The following ZEB1 variants were observed in gnomAD, a reference collection of about 807,000 sequenced individuals.
ZEB1 encodes zinc finger E-box-binding homeobox 1.
Under a neutral mutation model 84.9 loss-of-function variants are expected in ZEB1, and 21 were observed. The ratio of observed to expected loss-of-function variants is 0.25; its 90% confidence interval spans 0.18 to 0.36. The LOEUF (loss-of-function observed/expected upper bound fraction) is 0.36. Ranked by LOEUF, ZEB1 falls within the 10% of genes least tolerant of loss-of-function variation. The pLI is 1.00. For synonymous variants in ZEB1, 420 were observed against 471.1 expected (o/e 0.89, Z 1.41); for missense variants, 1,104 against 1,330.2 (o/e 0.83, Z 2.65).
chr10:31,384,268 G>A (rs976886204), intron 1 of ZEB1, among the ~76,000 whole-genome samples: 46 of 152,018 alleles, frequency 3.0e-4, no homozygotes, highest in African/African-American at 9.7e-4. Context: ...GAGCCACTGC[G>A]CATGACCTAC....
At chr10:31,365,396 C>T (rs1182893722) in intron 1 of ZEB1, among the ~76,000 whole-genome samples, 2 of 152,082 alleles carry the variant, frequency 1.3e-5, no homozygotes, top group Non-Finnish European at 2.9e-5. Context: ...TTTGGCCACT[C>T]TACATCTTGT....
chr10:31,353,457 A>G (rs1021310746), intron 1 of ZEB1, among the ~76,000 whole-genome samples: 2 of 152,224 alleles, frequency 1.3e-5, no homozygotes, highest in African/African-American at 4.8e-5. Context: ...TGAGCTACTA[A>G]TTGGTAGAAA....
At chr10:31,370,859 G>A (rs1030625312) in intron 1 of ZEB1, among the ~76,000 whole-genome samples, 1 of 152,122 alleles carries the variant, frequency 6.6e-6, no homozygotes, top group African/African-American at 2.4e-5. Context: ...GTAAAATTGT[G>A]TGTGGTGTTA....
intron 1 of ZEB1, among the ~76,000 whole-genome samples, chr10:31,343,780 A>G (rs1227523735): frequency 1.3e-5 from 2 of 152,094 alleles, no homozygotes; most frequent in Non-Finnish European, 2.9e-5. Context: ...ATGAAATACT[A>G]CTAAGTGACC....
At chr10:31,522,003 G>T (rs1334408192) in intron 7 of ZEB1, 67 bp downstream of exon 7, 18 of 1,606,268 alleles carry the variant, frequency 1.1e-5, no homozygotes, top group Non-Finnish European at 1.5e-5. Flanking sequence ...AATTAACTTT[G>T]TCTAATAAAT....
chr10:31,469,911 C>T (rs973490304), intron 2 of ZEB1, among the ~76,000 whole-genome samples: 6 of 152,182 alleles, frequency 3.9e-5, no homozygotes, highest in African/African-American at 4.8e-5. Context: ...GACCCCTAAC[C>T]CCCGAGCAGC....
rs936435966 is a variant in ZEB1, at chr10:31,397,724, G to A, written c.59-63313G>A. 2.0e-5 allele frequency among the ~76,000 whole-genome samples: 3 copies of A among 152,116 alleles called. No homozygotes were observed. The East Asian group carries it at 5.8e-4, about 29-fold the overall frequency. On this transcript the variant is annotated intron_variant, in intron 1 of 8. Transcript: ENST00000424869. ...TTTTAAAATTGTTAAATTTAAAAAAGGATTGTAAGGGATTAGGATTTTAAA... is the reference window on the plus strand; with the variant it reads ...TTTTAAAATTGTTAAATTTAAAAAAAGATTGTAAGGGATTAGGATTTTAAA...
intron 1 of ZEB1, among the ~76,000 whole-genome samples, chr10:31,383,819 A>G (rs2048128252): frequency 6.6e-6 from 1 of 152,142 alleles, no homozygotes; most frequent in Non-Finnish European, 1.5e-5. Context: ...AAGAACTGGT[A>G]AAAGGAATAT....
intron 2 of ZEB1, among the ~76,000 whole-genome samples, chr10:31,475,072 G>C (rs182270147): frequency 6.7e-5 from 10 of 150,266 alleles, no homozygotes; most frequent in African/African-American, 2.5e-4. Flanking sequence ...GGGGTGGGGC[G>C]GGGGGGAGGG....
At position 31,456,222 on chromosome 10, in the gene ZEB1, A is replaced by G. The variant is rs1480780375; in HGVS notation, c.59-4815A>G. Among the ~76,000 whole-genome samples the G allele has an allele frequency of 3.9e-5, 6 of 152,268 alleles. No homozygotes were observed. The East Asian group carries it at 9.7e-4, about 25-fold the overall frequency. On this transcript the variant is annotated intron_variant, in intron 1 of 8. Coordinates refer to ENST00000424869, the MANE Select transcript of ZEB1 (RefSeq NM_001174096.2). ...AGTTGAACAATAAGAACACATGGAC[A>G]TAGGAAGGGCAGCATCACACACCAG...
Position 31,520,085 on chromosome 10 carries a change from T to C in ZEB1, c.794-41T>C, listed in dbSNP as rs2071978314. ...ATGAGGATACATAAAAATTTATATG[T>C]AATAATTCAGTGAATATAATTTGTT... On this transcript the variant is annotated intron_variant, in intron 6 of 8. Coordinates refer to ENST00000424869, the MANE Select transcript of ZEB1 (RefSeq NM_001174096.2). The surrounding 1 kb of genome is among the most constrained non-coding windows in gnomAD (Gnocchi z 5.1). 1 of 1,604,156 alleles carries C rather than the reference T, an allele frequency of 6.2e-7. No individual in the cohort carries two copies. The highest frequency in any genetic ancestry group is 1.3e-5 in the African/African-American group (1 of 74,410).
chr10:31,388,054 A>G (rs530674526), intron 1 of ZEB1, among the ~76,000 whole-genome samples: 2 of 152,304 alleles, frequency 1.3e-5, no homozygotes, highest in South Asian at 2.1e-4. Flanking sequence ...ATGTCTCTCA[A>G]AATGACCAGT....
chr10:31,441,877 AGAAT>A (rs2059041615), intron 1 of ZEB1, among the ~76,000 whole-genome samples: 1 of 152,258 alleles, frequency 6.6e-6, no homozygotes, highest in Admixed American at 6.5e-5. Flanking sequence ...CACACCAGTT[AGAAT>A]GGCAATCATT....
At position 31,424,373 on chromosome 10, in the gene ZEB1, G is replaced by C. The variant is rs141091462; in HGVS notation, c.59-36664G>C. On this transcript the variant is annotated intron_variant, in intron 1 of 8. Coordinates refer to ENST00000424869, the MANE Select transcript of ZEB1 (RefSeq NM_001174096.2). ...CTTAGTAATATGAGTGAAACTTACTGGGGATGATATTTTATTTAAGCTGCT... is the reference window on the plus strand; with the variant it reads ...CTTAGTAATATGAGTGAAACTTACTCGGGATGATATTTTATTTAAGCTGCT... Among the ~76,000 whole-genome samples the C allele has an allele frequency of 9.1e-3, 1,384 of 152,004 alleles. 13 individuals carry two copies. The highest frequency in any genetic ancestry group is 0.031 in the African/African-American group (1,294 of 41,514).
Position 31,427,659 on chromosome 10 carries a change from C to G in ZEB1, c.59-33378C>G, listed in dbSNP as rs1162337801. On this transcript the variant is annotated intron_variant, in intron 1 of 8. Coordinates refer to ENST00000424869, the MANE Select transcript of ZEB1 (RefSeq NM_001174096.2). ...ACGAGGTCAGGAGATCCAGACCATC[C>G]TGGCTAACATGGTGAAACCCCATCT... Among the ~76,000 whole-genome samples the G allele has an allele frequency of 7.2e-5, 11 of 152,162 alleles. No homozygotes were observed. The East Asian group carries it at 1.2e-3, about 16-fold the overall frequency.
chr10:31,458,486 T>C (rs1290129694), intron 1 of ZEB1, among the ~76,000 whole-genome samples: 1 of 152,008 alleles, frequency 6.6e-6, no homozygotes, highest in Non-Finnish European at 1.5e-5. Flanking sequence ...CACACGGACT[T>C]CACTCTGCTT....
At position 31,521,981 on chromosome 10, in the gene ZEB1, T is replaced by C. The variant is rs748419231; in HGVS notation, c.2604+45T>C. ...CTGAACCTGGCTAGTAATATGCTAT[T>C]TGACTAATTTCAATTAACTTTGTCT... On this transcript the variant is annotated intron_variant, in intron 7 of 8. Transcript: ENST00000424869. The C allele has an allele frequency of 3.7e-6, 6 of 1,612,970 alleles. No individual in the cohort carries two copies. In the South Asian group the frequency reaches 6.6e-5, roughly 18 times the overall value.
intron 6 of ZEB1, among the ~76,000 whole-genome samples, chr10:31,515,813 G>C (rs1008744272): frequency 2.0e-5 from 3 of 151,884 alleles, no homozygotes; most frequent in African/African-American, 7.3e-5. Flanking sequence ...ACAATATTCT[G>C]TTTCTTAGCT....
At chr10:31,477,956 A>G (rs2064477573) in intron 2 of ZEB1, among the ~76,000 whole-genome samples, 1 of 152,044 alleles carries the variant, frequency 6.6e-6, no homozygotes, top group Non-Finnish European at 1.5e-5. Flanking sequence ...GCTTAGGCAA[A>G]GAATTTATGA....
Sources: gnomAD v4.1 joint callset for allele counts (sites outside exome capture counted in the v4.1 genomes callset) on GRCh38, gnomAD v4.1.1 for gene constraint, Gnocchi (gnomAD v3.1) non-coding constraint, MANE v1.5 for transcripts, NCBI Gene and HGNC (gene_info 2026-07-23, HGNC 2026-07-21) for gene names.